Variants in ZNF532 observed in about 807,000 individuals in gnomAD.
ZNF532 encodes zinc finger protein 532.
Under a neutral mutation model 89.3 loss-of-function variants are expected in ZNF532, and 22 were observed. The ratio of observed to expected loss-of-function variants is 0.25; its 90% CI spans 0.18 to 0.35. ZNF532 has a LOEUF of 0.35. Ranked by LOEUF, ZNF532 falls within the 10% of genes least tolerant of loss-of-function variation. ZNF532 has a pLI of 1.00. For synonymous variants in ZNF532, 606 were observed against 649.6 expected (o/e 0.93, Z 1.02); for missense variants, 1,132 against 1,643.4 (o/e 0.69, Z 5.38).
intron 9 of ZNF532, among the ~76,000 whole-genome samples, chr18:58,983,005 G>A (rs1179741810): frequency 6.6e-6 from 1 of 152,160 alleles, no homozygotes; most frequent in African/African-American, 2.4e-5. Flanking sequence ...CCAGCTACTT[G>A]GGAGGCTGAG....
At chr18:58,878,640 G>A (rs1602549154) in intron 2 of ZNF532, among the ~76,000 whole-genome samples, 1 of 152,256 alleles carries the variant, frequency 6.6e-6, no homozygotes, top group Admixed American at 6.5e-5. Context: ...CTGAGGTGAG[G>A]GGTGTGCATT....
At position 58,939,518 on chromosome 18, in the gene ZNF532, G is replaced by A; in HGVS notation, c.2602G>A (p.Val868Ile). The A allele has an allele frequency of 6.2e-7, 1 of 1,614,094 alleles. No homozygotes were observed. The change falls in exon 5 of 10, where the codon GTC (valine) becomes ATC (isoleucine). Residue 868 changes from valine to isoleucine, a missense_variant. Transcript: ENST00000591808. ...TCACATTCAAGGTTCTCACTGTGAA[G>A]TCTTCTACAAGTGTCCTATTTGTCC... ...KSHIQGSHCE[V>I]FYKCPICPMA...
At chr18:58,898,575 AG>A (rs1001676830) in intron 2 of ZNF532, among the ~76,000 whole-genome samples, 2 of 152,230 alleles carry the variant, frequency 1.3e-5, no homozygotes, top group African/African-American at 4.8e-5. Context: ...GCCCTGAGCC[AG>A]GCCCCGGAGT....
At chr18:58,883,451 C>T (rs967707077) in intron 2 of ZNF532, among the ~76,000 whole-genome samples, 1 of 152,044 alleles carries the variant, frequency 6.6e-6, no homozygotes, top group Non-Finnish European at 1.5e-5. Context: ...GCCTATTTGT[C>T]CACTCCCTCA....
At chr18:58,957,009 C>A (rs2064846169) in intron 7 of ZNF532, among the ~76,000 whole-genome samples, 1 of 152,134 alleles carries the variant, frequency 6.6e-6, no homozygotes, top group Non-Finnish European at 1.5e-5. Context: ...AATTAATAGA[C>A]CAAGAATGAG....
At chr18:58,939,272 A>AAG (rs1378503656) in intron 4 of ZNF532, among the ~76,000 whole-genome samples, 173 bp from the exon 5 acceptor site, 1 of 149,282 alleles carries the variant, frequency 6.7e-6, no homozygotes, top group Non-Finnish European at 1.5e-5. Context: ...AAAAAAAAAA[A>AAG]AAACCCATAA....
rs1175357238 is a variant in ZNF532 at position 58,888,889 on chromosome 18, T to TTTTA, written c.-18+23312_-18+23315dup. Among the ~76,000 whole-genome samples the TTTTA allele has an allele frequency of 2.3e-4, 9 of 39,442 alleles. 1 individual carries two copies. Among genetic ancestry groups the TTTTA allele is most frequent in the African/African-American group, 1.0e-3 (9 of 8,596 alleles). The allele number at this position is 39,442 out of a possible 152,430, so 25.9% of individuals were successfully genotyped here. A position where few individuals can be genotyped will look rare whatever the true frequency, so the allele number is the denominator to read the frequency against. ...ATATAATATATATTATATATATATA[T>TTTTA]TTTATATATATATATATATATATAA... On this transcript the variant is annotated intron_variant, in intron 2 of 9. Coordinates refer to ENST00000591808, the MANE Select transcript of ZNF532 (RefSeq NM_001375912.1).
Position 58,918,758 on chromosome 18 carries a change from A to C in ZNF532, c.471A>C (p.Ser157=). 6.2e-7 allele frequency: 1 copy of C among 1,614,186 alleles called. No homozygotes were observed. Among genetic ancestry groups the C allele is most frequent in the East Asian group, 2.2e-5 (1 of 44,886 alleles). The change falls in exon 3 of 10, where the codon TCA becomes TCC. Residue 157 remains serine, a synonymous_variant. Coordinates refer to ENST00000591808, the MANE Select transcript of ZNF532 (RefSeq NM_001375912.1). The stretch of plus-strand genomic sequence containing the variant: ...CCCCTGACAAGGAGGACATGCGATC[A>C]AGCTTCAGGTCGAATGTGTTGACGG... The part of the protein sequence containing the change: ...DDPPDKEDMR[S]SFRSNVLTGS...
chr18:58,887,791 C>T (rs1176550807), intron 2 of ZNF532, among the ~76,000 whole-genome samples: 1 of 152,112 alleles, frequency 6.6e-6, no homozygotes. Flanking sequence ...GGCTGGAGAC[C>T]ACACCGAGTC....
At position 58,948,071 on chromosome 18, in the gene ZNF532, A is replaced by G; in HGVS notation, c.2710A>G (p.Ile904Val). ...CGCTGCACTCTTCTATTTTAGAATAATATATAAGTGTTCCATGTGCGACAC... is the reference window on the plus strand; with the variant it reads ...CGCTGCACTCTTCTATTTTAGAATAGTATATAAGTGTTCCATGTGCGACAC... The part of the protein sequence containing the change: ...PGIKIGEPKI[I>V]YKCSMCDTVF... The change falls in exon 6 of 10, where the codon ATA (isoleucine) becomes GTA (valine). Residue 904 changes from isoleucine (I) to valine (V), a missense_variant. Coordinates refer to ENST00000591808, the MANE Select transcript of ZNF532 (RefSeq NM_001375912.1). 6.2e-7 allele frequency: 1 copy of G among 1,612,234 alleles called. No homozygotes were observed. The highest frequency in any genetic ancestry group is 8.5e-7 in the Non-Finnish European group (1 of 1,179,302).
intron 2 of ZNF532, among the ~76,000 whole-genome samples, chr18:58,884,626 C>T (rs555796274): frequency 1.3e-5 from 2 of 152,286 alleles, no homozygotes; most frequent in East Asian, 1.9e-4. Flanking sequence ...TACTAAAAAG[C>T]ATGGTACTTA....
chr18:58,937,037 T>G (rs952214584), intron 4 of ZNF532, among the ~76,000 whole-genome samples: 1 of 152,214 alleles, frequency 6.6e-6, no homozygotes, highest in African/African-American at 2.4e-5. Context: ...CTGGTTAACT[T>G]GGTAAAAGTT....
chr18:58,940,968 T>A (rs1397022674), intron 5 of ZNF532, among the ~76,000 whole-genome samples: 323 of 87,800 alleles, frequency 3.7e-3, no homozygotes, highest in African/African-American at 8.8e-3. Context: ...ACTCTTTCTC[T>A]CTCTCTCTCT....
chr18:58,974,141 A>AT (rs888172144), intron 7 of ZNF532, among the ~76,000 whole-genome samples: 1 of 152,050 alleles, frequency 6.6e-6, no homozygotes, highest in African/African-American at 2.4e-5. Flanking sequence ...TTGCGGTAAA[A>AT]TTTTTTTTGG....
At chr18:58,954,699 T>C (rs1420333362) in intron 7 of ZNF532, among the ~76,000 whole-genome samples, 2 of 148,708 alleles carry the variant, frequency 1.3e-5, no homozygotes, top group East Asian at 3.9e-4. Flanking sequence ...GGAACCAACA[T>C]GGAATTTGCT....
chr18:58,978,475 A>G (rs2067309491), intron 7 of ZNF532, among the ~76,000 whole-genome samples: 1 of 152,192 alleles, frequency 6.6e-6, no homozygotes, highest in African/African-American at 2.4e-5. Flanking sequence ...AAAGATTTAT[A>G]TAATGTTATT....
At chr18:58,941,025 A>G (rs2062974192) in intron 5 of ZNF532, among the ~76,000 whole-genome samples, 1 of 150,254 alleles carries the variant, frequency 6.7e-6, no homozygotes, top group African/African-American at 2.5e-5. Context: ...TTTTGGGGAA[A>G]TGTGATTGAA....
At chr18:58,973,568 T>C (rs1334768339) in intron 7 of ZNF532, among the ~76,000 whole-genome samples, 1 of 152,244 alleles carries the variant, frequency 6.6e-6, no homozygotes, top group African/African-American at 2.4e-5. Context: ...CTGGTGGGTA[T>C]GCAGGGGACA....
intron 2 of ZNF532, among the ~76,000 whole-genome samples, chr18:58,910,060 G>A (rs2060186052): frequency 1.3e-5 from 2 of 150,204 alleles, no homozygotes; most frequent in South Asian, 4.3e-4. Context: ...AACATAGCAA[G>A]ACCCTGTCTC....
Sources: allele counts gnomAD v4.1 joint callset (sites outside exome capture counted in the v4.1 genomes callset), GRCh38; gene constraint gnomAD v4.1.1; transcripts MANE v1.5; gene names NCBI Gene and HGNC (gene_info 2026-07-23, HGNC 2026-07-21).